Variants in HMGB1 observed in about 807,000 individuals in gnomAD.
The protein encoded by HMGB1 is high mobility group box 1.
For synonymous variants in HMGB1, 81 were observed against 84.0 expected (o/e 0.96, Z 0.19); for missense variants, 79 against 253.5 (o/e 0.31, Z 4.67).
chr13:30,578,285 C>T (rs1004088739), intron 1 of HMGB1, among the ~76,000 whole-genome samples: 3 of 151,242 alleles, frequency 2.0e-5, no homozygotes, highest in Non-Finnish European at 4.4e-5. Context: ...TGACACTTAA[C>T]CATTATCATA....
At chr13:30,597,116 C>T (rs1020755610) in intron 1 of HMGB1, among the ~76,000 whole-genome samples, 1 of 152,086 alleles carries the variant, frequency 6.6e-6, no homozygotes, top group Non-Finnish European at 1.5e-5. Flanking sequence ...ATGCTGAAGT[C>T]CTAAACTACA....
chr13:30,478,871 CTTTTT>C (rs3042542), intron 1 of HMGB1, among the ~76,000 whole-genome samples: 107 of 126,140 alleles, frequency 8.5e-4, no homozygotes, highest in Non-Finnish European at 1.3e-3. Context: ...CTTTTCTTTT[CTTTTT>C]TTTTTTTTTT....
intron 1 of HMGB1, among the ~76,000 whole-genome samples, chr13:30,577,954 A>G (rs941104584): frequency 6.6e-6 from 1 of 152,166 alleles, no homozygotes; most frequent in African/African-American, 2.4e-5. Context: ...TAGAGGCTCC[A>G]TATGAATCCC....
chr13:30,569,860 A>G (rs1487680836), intron 1 of HMGB1, among the ~76,000 whole-genome samples: 2 of 152,184 alleles, frequency 1.3e-5, no homozygotes, highest in Non-Finnish European at 2.9e-5. Flanking sequence ...TTATAACCTG[A>G]ATCAGTGCTT....
At chr13:30,513,059 A>G (rs896577662) in intron 1 of HMGB1, among the ~76,000 whole-genome samples, 1 of 152,182 alleles carries the variant, frequency 6.6e-6, no homozygotes, top group African/African-American at 2.4e-5. Flanking sequence ...GTTACTCAGG[A>G]GGCTGAGGCA....
intron 1 of HMGB1, among the ~76,000 whole-genome samples, chr13:30,475,572 T>C (rs1374664008): frequency 6.7e-6 from 1 of 148,880 alleles, no homozygotes; most frequent in East Asian, 1.9e-4. Flanking sequence ...GGCGCTCACC[T>C]GTAGTTCCAC....
At chr13:30,465,770 C>T (rs552984040) in intron 1 of HMGB1, 26 bp downstream of exon 1, 59 of 985,056 alleles carry the variant, frequency 6.0e-5, no homozygotes, top group Middle Eastern at 5.2e-4. Flanking sequence ...GGCGCTCTCC[C>T]CGCCGCGGCG....
intron 4 of HMGB1, chr13:30,462,261 G>T (rs1007887051): frequency 2.3e-6 from 1 of 440,560 alleles, no homozygotes; most frequent in African/African-American, 2.0e-5. Flanking sequence ...GCTCATTTTT[G>T]ACTTGAAGTG....
intron 1 of HMGB1, among the ~76,000 whole-genome samples, chr13:30,538,650 T>TC (rs771391594): frequency 0.094 from 7,450 of 79,176 alleles, 466 homozygotes; most frequent in Middle Eastern, 0.14. Flanking sequence ...TTCCTTTCTT[T>TC]CTTTCTTTCT....
chr13:30,590,617 G>C (rs1871328002), intron 1 of HMGB1, among the ~76,000 whole-genome samples: 1 of 152,242 alleles, frequency 6.6e-6, no homozygotes, highest in Non-Finnish European at 1.5e-5. Flanking sequence ...AATGCTGTTA[G>C]AGAATGAAAT....
Position 30,587,317 on chromosome 13 carries a change from T to C in HMGB1, c.-15+29354A>G, listed in dbSNP as rs914533597. On this transcript the variant is annotated intron_variant, in intron 1 of 4. Transcript: ENST00000405805. ...TGGAATTTTAAATTAGAGGTAGTCA[T>C]CTTTCTTTCTTTTTAAAGAAATGGA... Among the ~76,000 whole-genome samples the C allele has an allele frequency of 9.2e-5, 14 of 152,236 alleles. No homozygotes were observed. The South Asian group carries it at 2.9e-3, about 32-fold the overall frequency.
upstream of HMGB1, among the ~76,000 whole-genome samples, chr13:30,469,778 G>A (rs966707327): frequency 2.6e-5 from 4 of 152,088 alleles, no homozygotes; most frequent in East Asian, 3.9e-4. Context: ...CTACAGGCGC[G>A]TGCCACCACG....
intron 1 of HMGB1, among the ~76,000 whole-genome samples, chr13:30,519,951 T>C (rs1888199946): frequency 6.6e-6 from 1 of 152,206 alleles, no homozygotes; most frequent in Non-Finnish European, 1.5e-5. Flanking sequence ...AGACTTAGAT[T>C]TTTAAAATAT....
At chr13:30,465,171 G>C in intron 1 of HMGB1, 1 of 957,486 alleles carries the variant, frequency 1.0e-6, no homozygotes, top group Non-Finnish European at 1.2e-6. Flanking sequence ...CGAGCGCAGC[G>C]GCGCCGCTCC....
rs895862949 is a variant in HMGB1 at position 30,457,951 on chromosome 13, T to G, written c.*3406A>C. On this transcript the variant is annotated 3_prime_UTR_variant, in exon 5 of 5. Coordinates refer to ENST00000341423, the MANE Select transcript of HMGB1 (RefSeq NM_002128.7). ...GCTTTTATCTACTTTTAAAATACAT[T>G]TCAAGGGTCATTTGAAAATGACACA... 6.6e-6 allele frequency: 1 copy of G among 152,140 alleles called. No homozygotes were observed. Among genetic ancestry groups the G allele is most frequent in the South Asian group, 2.1e-4 (1 of 4,826 alleles). 9.4% of individuals were successfully genotyped at this position (152,140 alleles called of 1,614,324 possible).
intron 1 of HMGB1, among the ~76,000 whole-genome samples, chr13:30,597,563 G>A (rs1178661275): frequency 6.6e-6 from 1 of 152,194 alleles, no homozygotes; most frequent in East Asian, 1.9e-4. Flanking sequence ...CCTATGAAAT[G>A]CTACAAATGT....
rs1349599458 is a variant in HMGB1 at position 30,456,821 on chromosome 13, T to C, written c.*4536A>G. Reference sequence around the variant, plus strand: ...TCTTCCAAAATGTTAAATGCAAATGTCTTTTGACTCAGCAGTTCTACTTTT... The same window carrying C: ...TCTTCCAAAATGTTAAATGCAAATGCCTTTTGACTCAGCAGTTCTACTTTT... On this transcript the variant is annotated 3_prime_UTR_variant, in exon 5 of 5. Coordinates refer to ENST00000341423, the MANE Select transcript of HMGB1 (RefSeq NM_002128.7). 1 of 138,852 alleles carries C rather than the reference T, an allele frequency of 7.2e-6. No homozygotes were observed. The highest frequency in any genetic ancestry group is 2.8e-5 in the African/African-American group (1 of 35,758). 8.6% of individuals were successfully genotyped at this position (138,852 alleles called of 1,614,324 possible).
At chr13:30,587,198 A>G (rs1377263770) in intron 1 of HMGB1, among the ~76,000 whole-genome samples, 1 of 152,222 alleles carries the variant, frequency 6.6e-6, no homozygotes, top group Admixed American at 6.5e-5. Flanking sequence ...TAATCTCACA[A>G]CTTTATAAAT....
chr13:30,461,650 G>A (rs756638888), intron 4 of HMGB1, 117 bp from the exon 5 acceptor site: 49 of 1,589,344 alleles, frequency 3.1e-5, no homozygotes, highest in African/African-American at 2.4e-4. Context: ...AAAATATCAC[G>A]TATCTGTAGA....
Sources: allele counts gnomAD v4.1 joint callset (sites outside exome capture counted in the v4.1 genomes callset), GRCh38; gene constraint gnomAD v4.1.1; transcripts MANE v1.5; gene names NCBI Gene and HGNC (gene_info 2026-07-23, HGNC 2026-07-21).